ARHGAP20: variants seen among roughly 807,000 people sequenced by gnomAD.
ARHGAP20 encodes rho GTPase-activating protein 20.
ARHGAP20 carries 34 observed loss-of-function variants against 73.7 expected under a neutral mutation model. The observed-to-expected ratio is 0.46, with a 90% CI of 0.35 to 0.61. The LOEUF is 0.61. ARHGAP20 is among the 20% of genes least tolerant of loss of function. ARHGAP20 has a pLI of 0.00. For synonymous variants in ARHGAP20, 523 were observed against 518.2 expected (o/e 1.01, Z -0.13); for missense variants, 1,314 against 1,420.9 (o/e 0.92, Z 1.21).
At chr11:110,678,509 G>T (rs12270414) in intron 2 of ARHGAP20, among the ~76,000 whole-genome samples, 2,500 of 152,130 alleles carry the variant, frequency 0.016, 68 homozygotes, top group African/African-American at 0.055. Context: ...TCCACCTCTA[G>T]CTGTAAGAAT....
chr11:110,606,139 C>T (rs1480239250), intron 9 of ARHGAP20, among the ~76,000 whole-genome samples: 2 of 152,186 alleles, frequency 1.3e-5, no homozygotes, highest in Non-Finnish European at 2.9e-5. Context: ...TCTTCACATA[C>T]TTATCAGAAC....
chr11:110,601,071 C>T (rs1323881853), intron 9 of ARHGAP20, among the ~76,000 whole-genome samples: 1 of 152,190 alleles, frequency 6.6e-6, no homozygotes, highest in Non-Finnish European at 1.5e-5. Context: ...AATATTCTAA[C>T]AGAAATCATT....
chr11:110,660,069 A>C (rs7937215), intron 2 of ARHGAP20, among the ~76,000 whole-genome samples: 18 of 146,970 alleles, frequency 1.2e-4, no homozygotes, highest in African/African-American at 1.6e-4. Context: ...AACAAAAAAA[A>C]AAAAAAAAAG....
chr11:110,690,888 G>A, intron 1 of ARHGAP20: 1 of 1,135,242 alleles, frequency 8.8e-7, no homozygotes, highest in Non-Finnish European at 1.2e-6. Flanking sequence ...ATGTTTACCA[G>A]AATATTTGGG....
Position 110,580,040 on chromosome 11 carries a change from G to A in ARHGAP20, c.2906C>T (p.Thr969Ile), listed in dbSNP as rs1249921881. Residue 969 changes from threonine to isoleucine, a missense_variant, in exon 15 of 15, where the codon ACT (threonine) becomes ATT (isoleucine). By Grantham distance (89) the Thr-to-Ile change is moderately conservative. This residue lies in a region of ARHGAP20 where 641 missense variants were observed against 636.9 expected (regional missense o/e 1.01). Coordinates refer to ENST00000683387, the MANE Select transcript of ARHGAP20 (RefSeq NM_001384657.1). ...GCAATCTATTGGAGAGGAAGTCTCAGTGGGTGTAAACACAGAGTGTTCAGA... is the reference window on the plus strand; with the variant it reads ...GCAATCTATTGGAGAGGAAGTCTCAATGGGTGTAAACACAGAGTGTTCAGA... ...QISEHSVFTP[T>I]ETSSPIDCTF... is the part of the protein sequence containing the mutation. 1 of 1,614,232 alleles carries A rather than the reference G, an allele frequency of 6.2e-7. No individual in the cohort carries two copies. The highest frequency in any genetic ancestry group is 1.3e-5 in the African/African-American group (1 of 75,064).
Position 110,580,648 on chromosome 11 carries a change from A to T in ARHGAP20, c.2298T>A (p.Asp766Glu). 6.2e-7 allele frequency: 1 copy of T among 1,614,204 alleles called. No individual in the cohort carries two copies. The highest frequency in any genetic ancestry group is 8.5e-7 in the Non-Finnish European group (1 of 1,180,032). The change falls in exon 15 of 15, where the codon GAT becomes GAA. Residue 766 changes from aspartate (D) to glutamate (E), a missense_variant. By Grantham distance (45) the Asp-to-Glu change is conservative. Transcript: ENST00000683387. ...GAGTAGTGGCATTTTTCTTGCTGAC[A>T]TCAGTGCCTGTGACTAAACTCTGTT... ...CFKQSLVTGT[D>E]VSKKNATTQN...
chr11:110,586,927 G>T (rs2134808998), intron 11 of ARHGAP20, among the ~76,000 whole-genome samples: 1 of 152,322 alleles, frequency 6.6e-6, no homozygotes, highest in African/African-American at 2.4e-5. Context: ...TTTGGAGAGA[G>T]AGAGCATTTC....
intron 1 of ARHGAP20, among the ~76,000 whole-genome samples, chr11:110,694,982 G>C (rs80292640): frequency 0.017 from 2,576 of 151,730 alleles, 51 homozygotes; most frequent in African/African-American, 0.046. Flanking sequence ...ATTTGCTATG[G>C]AACTAGACAT....
intron 2 of ARHGAP20, among the ~76,000 whole-genome samples, chr11:110,677,216 A>C (rs1949949380): frequency 6.6e-6 from 1 of 152,206 alleles, no homozygotes; most frequent in African/African-American, 2.4e-5. Flanking sequence ...TTTGACAATA[A>C]AGAACTCCTA....
At chr11:110,686,600 T>C (rs1268564540) in intron 2 of ARHGAP20, among the ~76,000 whole-genome samples, 1 of 152,194 alleles carries the variant, frequency 6.6e-6, no homozygotes, top group Non-Finnish European at 1.5e-5. Context: ...CATTCTTTTA[T>C]ATCATGCAAC....
At chr11:110,621,758 TATTG>T (rs1321633156) in intron 4 of ARHGAP20, among the ~76,000 whole-genome samples, 2 of 152,246 alleles carry the variant, frequency 1.3e-5, no homozygotes, top group Non-Finnish European at 2.9e-5. Context: ...GATTGGTCTC[TATTG>T]ATTATCTTTT....
At chr11:110,610,014 TA>T (rs1457984052) in intron 7 of ARHGAP20, among the ~76,000 whole-genome samples, 3 of 152,212 alleles carry the variant, frequency 2.0e-5, no homozygotes, top group East Asian at 1.9e-4. Context: ...CTAGTTAAAT[TA>T]ACAGTTTTTT....
At chr11:110,689,683 T>G (rs929422681) in intron 2 of ARHGAP20, among the ~76,000 whole-genome samples, 14 of 152,052 alleles carry the variant, frequency 9.2e-5, no homozygotes, top group Non-Finnish European at 2.9e-5. Flanking sequence ...GACCATCAGT[T>G]GATGGTCGGT....
At chr11:110,597,132 G>A in intron 9 of ARHGAP20, among the ~76,000 whole-genome samples, 1 of 130,160 alleles carries the variant, frequency 7.7e-6, no homozygotes, top group Non-Finnish European at 1.6e-5. Context: ...ACACACCGGG[G>A]ACCGTTGTGG....
chr11:110,626,813 C>T (rs1284639203), intron 3 of ARHGAP20, among the ~76,000 whole-genome samples: 1 of 151,760 alleles, frequency 6.6e-6, no homozygotes, highest in Non-Finnish European at 1.5e-5. Context: ...ATCTCATGAA[C>T]ACTTATGAAC....
At chr11:110,655,178 T>G (rs879472288) in intron 2 of ARHGAP20, among the ~76,000 whole-genome samples, 11 of 152,192 alleles carry the variant, frequency 7.2e-5, no homozygotes, top group Non-Finnish European at 1.2e-4. Context: ...CAACTTAATG[T>G]GCCCAAAACA....
At chr11:110,602,093 G>A (rs761328807) in intron 9 of ARHGAP20, among the ~76,000 whole-genome samples, 20 of 152,092 alleles carry the variant, frequency 1.3e-4, no homozygotes, top group Non-Finnish European at 2.8e-4. Flanking sequence ...GCAGAGTTAA[G>A]TAGCTGTGAC....
At chr11:110,672,494 C>T (rs533886012) in intron 2 of ARHGAP20, among the ~76,000 whole-genome samples, 53 of 151,838 alleles carry the variant, frequency 3.5e-4, no homozygotes, top group Non-Finnish European at 6.5e-4. Flanking sequence ...TCTTTTCTTT[C>T]GAGATGGAGT....
chr11:110,594,296 T>TAC (rs1947899807), intron 9 of ARHGAP20, among the ~76,000 whole-genome samples: 2 of 152,200 alleles, frequency 1.3e-5, no homozygotes, highest in South Asian at 4.1e-4. Flanking sequence ...CAGGAGCCTC[T>TAC]CTGCACTCCC....
Sources: gnomAD v4.1 joint callset for allele counts (sites outside exome capture counted in the v4.1 genomes callset) on GRCh38, gnomAD v4.1.1 for gene constraint, gnomAD v4.1.1 regional missense constraint, MANE v1.5 for transcripts, NCBI Gene and HGNC (gene_info 2026-07-23, HGNC 2026-07-21) for gene names.